The following SUPT3H variants were observed in gnomAD, a reference collection of about 807,000 sequenced individuals.
SUPT3H encodes transcription initiation protein SPT3 homolog.
In SUPT3H, 44 loss-of-function variants were observed where a neutral mutation model predicts 44.3. That is an observed-to-expected ratio of 0.99 (90% CI 0.78 to 1.28). SUPT3H has a LOEUF of 1.28. Among genes scored for constraint, SUPT3H ranks in the 50% most tolerant of loss-of-function variants. The pLI is 0.00. For missense variants in SUPT3H, 380 were observed against 387.1 expected (o/e 0.98, Z 0.15); for synonymous variants, 124 against 125.6 (o/e 0.99, Z 0.09).
chr6:44,903,999 C>T (rs985723538), intron 10 of SUPT3H, among the ~76,000 whole-genome samples: 3 of 152,144 alleles, frequency 2.0e-5, no homozygotes, highest in Non-Finnish European at 4.4e-5. Flanking sequence ...CCTAAAAACT[C>T]TCAATAAATT....
chr6:45,217,011 G>A (rs559365019), intron 2 of SUPT3H, among the ~76,000 whole-genome samples: 3 of 152,188 alleles, frequency 2.0e-5, no homozygotes, highest in South Asian at 4.1e-4. Context: ...TACAAGGTAG[G>A]ACAACTTTGG....
chr6:45,183,072 C>A (rs1204084699), intron 2 of SUPT3H, among the ~76,000 whole-genome samples: 1 of 152,278 alleles, frequency 6.6e-6, no homozygotes, highest in South Asian at 2.1e-4. Flanking sequence ...GTGGCAACAA[C>A]CTAAGTGTCA....
At chr6:44,966,772 A>C (rs1364290452) in intron 6 of SUPT3H, among the ~76,000 whole-genome samples, 2 of 152,216 alleles carry the variant, frequency 1.3e-5, no homozygotes, top group Non-Finnish European at 2.9e-5. Context: ...AAACTATAAC[A>C]AAAAAGACAT....
At chr6:45,204,622 C>A (rs1436278991) in intron 2 of SUPT3H, among the ~76,000 whole-genome samples, 1 of 152,168 alleles carries the variant, frequency 6.6e-6, no homozygotes, top group African/African-American at 2.4e-5. Flanking sequence ...CGAGTCATCA[C>A]ATAACATTTC....
intron 2 of SUPT3H, among the ~76,000 whole-genome samples, chr6:45,308,756 TAAAAAA>T (rs70996322): frequency 6.9e-6 from 1 of 145,248 alleles, no homozygotes; most frequent in Non-Finnish European, 1.5e-5. Flanking sequence ...AAAATAAATT[TAAAAAA>T]AAAAAAGTCA....
At chr6:44,937,840 CCT>C (rs1771717889) in intron 9 of SUPT3H, among the ~76,000 whole-genome samples, 2 of 151,044 alleles carry the variant, frequency 1.3e-5, no homozygotes, top group Non-Finnish European at 2.9e-5. Context: ...CTGTTAGTCC[CCT>C]GTCGGATGCA....
intron 2 of SUPT3H, among the ~76,000 whole-genome samples, chr6:45,206,460 T>C (rs939536688): frequency 6.6e-6 from 1 of 151,686 alleles, no homozygotes; most frequent in Non-Finnish European, 1.5e-5. Context: ...TAGTGAAAAG[T>C]GAGGACACAC....
At chr6:45,002,798 C>T (rs1009027644) in intron 6 of SUPT3H, among the ~76,000 whole-genome samples, 2 of 152,072 alleles carry the variant, frequency 1.3e-5, no homozygotes, top group Non-Finnish European at 2.9e-5. Context: ...TGTATGTCTA[C>T]TGGACCTCCT....
chr6:45,113,832 A>AT (rs1263470437), intron 2 of SUPT3H, among the ~76,000 whole-genome samples: 1 of 151,266 alleles, frequency 6.6e-6, no homozygotes, highest in African/African-American at 2.4e-5. Context: ...TCCATCAAAA[A>AT]AAAAAAAAAA....
intron 10 of SUPT3H, among the ~76,000 whole-genome samples, chr6:44,877,025 G>C (rs1365579569): frequency 6.6e-6 from 1 of 152,156 alleles, no homozygotes; most frequent in African/African-American, 2.4e-5. Flanking sequence ...GGATTTGACA[G>C]TTATGTCTAG....
intron 9 of SUPT3H, among the ~76,000 whole-genome samples, chr6:44,933,018 A>C (rs1283436887): frequency 6.6e-6 from 1 of 152,166 alleles, no homozygotes; most frequent in Non-Finnish European, 1.5e-5. Context: ...GCATGTCAAG[A>C]CACAGGAGAA....
intron 2 of SUPT3H, among the ~76,000 whole-genome samples, chr6:45,135,736 G>T (rs940247088): frequency 6.6e-6 from 1 of 152,156 alleles, no homozygotes; most frequent in African/African-American, 2.4e-5. Flanking sequence ...GCCTTCACCA[G>T]AAACAACAAT....
At position 45,301,363 on chromosome 6, in the gene SUPT3H, T is replaced by C. The variant is rs191802570; in HGVS notation, c.101+63838A>G. ...TCTTTTCCATTCCAGCTTTATATAA[T>C]TTCAACCTATTAAAACATAATGGGA... On this transcript the variant is annotated intron_variant, in intron 2 of 10. Coordinates refer to ENST00000371459, the MANE Select transcript of SUPT3H (RefSeq NM_003599.4). Among the ~76,000 whole-genome samples the C allele has an allele frequency of 3.9e-5, 6 of 152,374 alleles. No homozygotes were observed. In the South Asian group the frequency reaches 8.3e-4, roughly 21 times the overall value.
chr6:45,348,905 T>C (rs1791470331), intron 2 of SUPT3H, among the ~76,000 whole-genome samples: 1 of 152,184 alleles, frequency 6.6e-6, no homozygotes, highest in African/African-American at 2.4e-5. Context: ...TAGTATCCTG[T>C]ACATTTTCCT....
At chr6:45,261,383 T>C (rs1774334858) in intron 2 of SUPT3H, among the ~76,000 whole-genome samples, 1 of 151,964 alleles carries the variant, frequency 6.6e-6, no homozygotes, top group Admixed American at 6.6e-5. Context: ...AATGATAAAG[T>C]AGCCTTTATT....
At chr6:45,038,655 G>A (rs1456692825) in intron 3 of SUPT3H, among the ~76,000 whole-genome samples, 3 of 151,930 alleles carry the variant, frequency 2.0e-5, no homozygotes, top group Non-Finnish European at 4.4e-5. Context: ...TGAAGTATTA[G>A]GACTTCTTTA....
rs1217502740 is a variant in SUPT3H, at chr6:44,948,804, T to C, written c.801+4506A>G. Among the ~76,000 whole-genome samples the C allele has an allele frequency of 3.3e-5, 5 of 152,264 alleles. No homozygotes were observed. In the South Asian group the frequency reaches 1.0e-3, roughly 32 times the overall value. ...TTACACTGCTGGTGGGACTGTAAAC[T>C]AGTTCAACCATTGTGGAAGACAGTG... On this transcript the variant is annotated intron_variant, in intron 9 of 10. Transcript: ENST00000371459.
chr6:44,846,820 C>T (rs1443358275), intron 10 of SUPT3H, among the ~76,000 whole-genome samples: 3 of 151,978 alleles, frequency 2.0e-5, no homozygotes, highest in Non-Finnish European at 2.9e-5. Flanking sequence ...TTGGTAGAGA[C>T]GGGGTTTCTC....
In SUPT3H at chr6:45,214,425, CA is replaced by C. The variant is rs796686422; in HGVS notation, c.102-108420del. 2.7e-3 allele frequency among the ~76,000 whole-genome samples: 382 copies of C among 139,948 alleles called. 1 individual carries two copies. The highest frequency in any genetic ancestry group is 2.7e-3 in the Non-Finnish European group (168 of 61,720). 91.8% of individuals were successfully genotyped at this position (139,948 alleles called of 152,430 possible). On this transcript the variant is annotated intron_variant, in intron 2 of 10. Transcript: ENST00000371459. ...CAGCATTAAAGAAAAGAATTACATA[CA>C]AAAAAAAATGAAAAAATACAGAAAG... is the stretch of plus-strand genomic sequence containing the variant.
Sources: allele counts gnomAD v4.1 joint callset (sites outside exome capture counted in the v4.1 genomes callset), GRCh38; gene constraint gnomAD v4.1.1; transcripts MANE v1.5; gene names NCBI Gene and HGNC (gene_info 2026-07-23, HGNC 2026-07-21).